GUCY1A2: variants seen among roughly 807,000 people sequenced by gnomAD.
The protein encoded by GUCY1A2 is guanylate cyclase 1 soluble subunit alpha 2, also known as guanylate cyclase soluble subunit alpha-2.
In GUCY1A2, 27 loss-of-function variants were observed where a neutral mutation model predicts 63.5. The ratio of observed to expected loss-of-function variants is 0.43; its 90% CI spans 0.31 to 0.59. The LOEUF (loss-of-function observed/expected upper bound fraction) is 0.59. Ranked by LOEUF, GUCY1A2 falls within the 20% of genes least tolerant of loss-of-function variation. The pLI, the probability that GUCY1A2 is intolerant of heterozygous loss-of-function variation, is 0.11. For missense variants in GUCY1A2, 768 were observed against 913.3 expected (o/e 0.84, Z 2.05); for synonymous variants, 364 against 343.5 (o/e 1.06, Z -0.66).
intron 4 of GUCY1A2, among the ~76,000 whole-genome samples, chr11:106,887,888 T>A (rs776735815): frequency 1.3e-5 from 2 of 152,208 alleles, no homozygotes; most frequent in Non-Finnish European, 2.9e-5. Context: ...TCCAGCCTTA[T>A]ATTCCCATTA....
intron 4 of GUCY1A2, among the ~76,000 whole-genome samples, chr11:106,867,474 T>C (rs1035992115): frequency 1.1e-4 from 17 of 152,066 alleles, no homozygotes; most frequent in Admixed American, 1.1e-3. Flanking sequence ...TGAAAAGCCA[T>C]CTTAAGTTTT....
intron 4 of GUCY1A2, among the ~76,000 whole-genome samples, chr11:106,908,714 A>G (rs1860249189): frequency 6.6e-6 from 1 of 152,092 alleles, no homozygotes; most frequent in East Asian, 1.9e-4. Context: ...ACACTTTAAC[A>G]GCATAACTTA....
chr11:106,856,257 T>C (rs1227699588), intron 4 of GUCY1A2, among the ~76,000 whole-genome samples: 3 of 152,038 alleles, frequency 2.0e-5, no homozygotes, highest in Admixed American at 6.6e-5. Flanking sequence ...GCCACTGCAC[T>C]GCAGCCTGGG....
chr11:106,703,594 G>C (rs894250403), intron 7 of GUCY1A2, among the ~76,000 whole-genome samples: 1 of 152,120 alleles, frequency 6.6e-6, no homozygotes, highest in Non-Finnish European at 1.5e-5. Context: ...AAGAAAGCAT[G>C]TTATCACCTA....
intron 5 of GUCY1A2, among the ~76,000 whole-genome samples, chr11:106,777,445 CAA>C (rs34353077): frequency 6.8e-4 from 62 of 91,380 alleles, no homozygotes; most frequent in African/African-American, 1.0e-3. Context: ...GACTTGGTCT[CAA>C]AAAAAAAAAA....
At chr11:106,733,809 T>C (rs991800387) in intron 6 of GUCY1A2, among the ~76,000 whole-genome samples, 7 of 152,230 alleles carry the variant, frequency 4.6e-5, no homozygotes, top group African/African-American at 1.4e-4. Context: ...AGAAGGAACC[T>C]TGGCAATGAG....
intron 4 of GUCY1A2, among the ~76,000 whole-genome samples, chr11:106,846,932 T>C (rs1357719141): frequency 6.6e-6 from 1 of 151,122 alleles, no homozygotes; most frequent in Admixed American, 6.6e-5. Context: ...CAAGCAGAAA[T>C]AAAGTAAGTC....
chr11:106,892,216 C>T (rs1859984136), intron 4 of GUCY1A2, among the ~76,000 whole-genome samples: 1 of 151,754 alleles, frequency 6.6e-6, no homozygotes, highest in Admixed American at 6.6e-5. Flanking sequence ...TTGCTTATTC[C>T]ATTTTCCAAA....
At chr11:106,898,730 G>A (rs1014942290) in intron 4 of GUCY1A2, among the ~76,000 whole-genome samples, 3 of 152,022 alleles carry the variant, frequency 2.0e-5, no homozygotes, top group Admixed American at 1.3e-4. Context: ...AGAGCACAGA[G>A]GATTATTATG....
intron 3 of GUCY1A2, among the ~76,000 whole-genome samples, chr11:106,965,232 T>C (rs1238044740): frequency 6.6e-6 from 1 of 152,146 alleles, no homozygotes; most frequent in African/African-American, 2.4e-5. Flanking sequence ...GCTGCAAGCA[T>C]TTGTTGGCTA....
chr11:106,840,882 G>C (rs762852676), intron 4 of GUCY1A2, among the ~76,000 whole-genome samples: 6 of 151,844 alleles, frequency 4.0e-5, no homozygotes, highest in Non-Finnish European at 8.8e-5. Flanking sequence ...ATTCATTCTT[G>C]TGCTTATTTC....
At chr11:106,849,324 A>C (rs1312962605) in intron 4 of GUCY1A2, among the ~76,000 whole-genome samples, 1 of 150,002 alleles carries the variant, frequency 6.7e-6, no homozygotes, top group African/African-American at 2.4e-5. Context: ...AAATATATAT[A>C]ATATGCAAAT....
chr11:106,777,559 TCTCAGCAAA>T (rs1864380430), intron 5 of GUCY1A2, among the ~76,000 whole-genome samples: 7 of 151,774 alleles, frequency 4.6e-5, no homozygotes, highest in Admixed American at 2.0e-4. Flanking sequence ...AAGCCATTGT[TCTCAGCAAA>T]CTAACACAGG....
At chr11:106,807,159 T>C (rs927768522) in intron 5 of GUCY1A2, among the ~76,000 whole-genome samples, 2 of 152,206 alleles carry the variant, frequency 1.3e-5, no homozygotes, top group African/African-American at 4.8e-5. Flanking sequence ...CCAAATTCTA[T>C]ACATACTTTC....
intron 3 of GUCY1A2, among the ~76,000 whole-genome samples, chr11:106,966,888 A>G (rs1189674921): frequency 1.3e-5 from 2 of 152,188 alleles, no homozygotes; most frequent in African/African-American, 4.8e-5. Context: ...GTTGCTTTTT[A>G]TTAAAATGTA....
chr11:107,009,325 T>C (rs1861713144), intron 1 of GUCY1A2, among the ~76,000 whole-genome samples: 1 of 152,228 alleles, frequency 6.6e-6, no homozygotes, highest in South Asian at 2.1e-4. Context: ...CTTTTTAATT[T>C]TTCATTGGCA....
chr11:106,895,326 T>C (rs1860031703), intron 4 of GUCY1A2, among the ~76,000 whole-genome samples: 3 of 152,164 alleles, frequency 2.0e-5, no homozygotes, highest in Admixed American at 1.3e-4. Flanking sequence ...AATTATACCA[T>C]GCCATTTTTC....
At chr11:106,859,038 C>T (rs1304931651) in intron 4 of GUCY1A2, among the ~76,000 whole-genome samples, 1 of 151,786 alleles carries the variant, frequency 6.6e-6, no homozygotes, top group Non-Finnish European at 1.5e-5. Context: ...TAAAATTAAC[C>T]CTGGCCTCTT....
chr11:106,802,590 A>G (rs994978263), intron 5 of GUCY1A2, among the ~76,000 whole-genome samples: 1 of 152,090 alleles, frequency 6.6e-6, no homozygotes, highest in Non-Finnish European at 1.5e-5. Flanking sequence ...CTATACCAAA[A>G]CACCATAGAC....
Sources: gnomAD v4.1 joint callset for allele counts (sites outside exome capture counted in the v4.1 genomes callset) on GRCh38, gnomAD v4.1.1 for gene constraint, MANE v1.5 for transcripts, NCBI Gene and HGNC (gene_info 2026-07-23, HGNC 2026-07-21) for gene names.